C7orf78: variants seen among roughly 807,000 people sequenced by gnomAD.
The protein encoded by C7orf78 is putative uncharacterized protein C7orf78.
chr7:12,493,145 G>A, the C7orf78 span, among the ~76,000 whole-genome samples: 29 of 152,304 alleles, frequency 1.9e-4, no homozygotes, highest in African/African-American at 7.0e-4. Context: ...GGAGTGAGCC[G>A]AGATTGTGCT....
the C7orf78 span, among the ~76,000 whole-genome samples, chr7:12,490,835 G>A: frequency 6.6e-6 from 1 of 151,964 alleles, no homozygotes; most frequent in African/African-American, 2.4e-5. Context: ...TTTTTCTCAG[G>A]ATGTAATTGG....
chr7:12,492,355 T>A, the C7orf78 span, among the ~76,000 whole-genome samples: 1 of 152,362 alleles, frequency 6.6e-6, no homozygotes, highest in South Asian at 2.1e-4. Context: ...CAAGAAAAAG[T>A]ATCTTGATTT....
the C7orf78 span, among the ~76,000 whole-genome samples, chr7:12,499,938 G>A: frequency 4.0e-4 from 51 of 127,202 alleles, no homozygotes; most frequent in Non-Finnish European, 7.2e-4. Flanking sequence ...ACTCAAAACC[G>A]CTCATCTACA....
chr7:12,505,102 C>A, the C7orf78 span, among the ~76,000 whole-genome samples: 1 of 151,734 alleles, frequency 6.6e-6, no homozygotes, highest in Non-Finnish European at 1.5e-5. Flanking sequence ...GGAAGAAATT[C>A]AAAAGAATGT....
the C7orf78 span, chr7:12,506,861 A>C: frequency 2.2e-6 from 1 of 451,250 alleles, no homozygotes; most frequent in South Asian, 1.6e-5. Flanking sequence ...GTTATCGTAG[A>C]AAAGTCTACA....
chr7:12,529,333 T>C, the C7orf78 span, among the ~76,000 whole-genome samples: 6 of 152,208 alleles, frequency 3.9e-5, no homozygotes, highest in Middle Eastern at 3.2e-3. Context: ...GTATCCCTGT[T>C]CTTTTACTTT....
At chr7:12,491,135 T>C in the C7orf78 span, 1 of 152,220 alleles carries the variant, frequency 6.6e-6, no homozygotes, top group Non-Finnish European at 1.5e-5. Flanking sequence ...ATTATCATGA[T>C]GTCAGCAGAA....
At chr7:12,497,239 G>T in the C7orf78 span, among the ~76,000 whole-genome samples, 1 of 152,012 alleles carries the variant, frequency 6.6e-6, no homozygotes, top group Non-Finnish European at 1.5e-5. Context: ...GGCCGAATAG[G>T]AACAGCTCCG....
chr7:12,495,158 G>C, the C7orf78 span, among the ~76,000 whole-genome samples: 2 of 152,098 alleles, frequency 1.3e-5, no homozygotes, highest in African/African-American at 4.8e-5. Context: ...ATTCATCCGG[G>C]GGATATTAAA....
At chr7:12,523,337 G>A in the C7orf78 span, 1 of 398,294 alleles carries the variant, frequency 2.5e-6, no homozygotes, top group African/African-American at 2.1e-5. Context: ...TCCACATCTG[G>A]ATTTACAAAA....
chr7:12,500,862 CAT>C, the C7orf78 span, among the ~76,000 whole-genome samples: 4 of 147,810 alleles, frequency 2.7e-5, 1 homozygote, highest in African/African-American at 1.0e-4. Flanking sequence ...TCCAGCAGCA[CAT>C]CAAAAAGCTT....
At chr7:12,492,450 T>A in the C7orf78 span, among the ~76,000 whole-genome samples, 1 of 152,226 alleles carries the variant, frequency 6.6e-6, no homozygotes, top group Non-Finnish European at 1.5e-5. Flanking sequence ...ATGTTGAAAC[T>A]GTCTGTCATA....
the C7orf78 span, among the ~76,000 whole-genome samples, chr7:12,490,708 G>A: frequency 1.3e-5 from 2 of 151,412 alleles, no homozygotes; most frequent in Non-Finnish European, 2.9e-5. Flanking sequence ...TTTAGCATTA[G>A]GAAAAAATAA....
chr7:12,505,779 A>C, the C7orf78 span, among the ~76,000 whole-genome samples: 2 of 152,250 alleles, frequency 1.3e-5, no homozygotes, highest in Non-Finnish European at 2.9e-5. Flanking sequence ...ATGGTGCACT[A>C]TTTCATTATT....
the C7orf78 span, among the ~76,000 whole-genome samples, chr7:12,494,262 T>A: frequency 0.011 from 1,717 of 152,296 alleles, 31 homozygotes; most frequent in African/African-American, 0.039. Context: ...GGATCCACAC[T>A]GGTCTCAGCT....
chr7:12,522,761 C>T, the C7orf78 span, among the ~76,000 whole-genome samples: 1 of 152,124 alleles, frequency 6.6e-6, no homozygotes, highest in Non-Finnish European at 1.5e-5. Context: ...AAATTACCAG[C>T]CCTTAGTGCA....
chr7:12,492,512 A>G, the C7orf78 span, among the ~76,000 whole-genome samples: 2 of 152,202 alleles, frequency 1.3e-5, no homozygotes, highest in South Asian at 4.1e-4. Context: ...TTGATTTCAG[A>G]TTGGTAGATC....
chr7:12,520,663 A>G, the C7orf78 span, among the ~76,000 whole-genome samples: 1 of 152,128 alleles, frequency 6.6e-6, no homozygotes, highest in Non-Finnish European at 1.5e-5. Context: ...TATCCTGGAG[A>G]CGGTTACATT....
chr7:12,525,947 C>T, the C7orf78 span: 4 of 395,658 alleles, frequency 1.0e-5, no homozygotes, highest in African/African-American at 2.1e-5. Context: ...AAAAACTCTG[C>T]ATTCCATATT....
Sources: gnomAD v4.1 joint callset for allele counts (sites outside exome capture counted in the v4.1 genomes callset) on GRCh38, gnomAD v4.1.1 for gene constraint, MANE v1.5 for transcripts, NCBI Gene and HGNC (gene_info 2026-07-23, HGNC 2026-07-21) for gene names.